The following CTNNA3 variants were observed in gnomAD, a reference collection of about 807,000 sequenced individuals.
CTNNA3 encodes catenin alpha-3.
CTNNA3 carries 76 observed loss-of-function variants against 95.7 expected under a neutral mutation model. The observed-to-expected ratio is 0.79, with a 90% CI of 0.66 to 0.96. CTNNA3 has a LOEUF of 0.96. Among genes scored for constraint, CTNNA3 ranks in the 40% least tolerant of loss-of-function variants. CTNNA3 has a pLI of 0.00. For missense variants in CTNNA3, 1,191 were observed against 1,089.8 expected (o/e 1.09, Z -1.31); for synonymous variants, 431 against 374.4 (o/e 1.15, Z -1.74).
chr10:65,952,237 A>G (rs2077633281), intron 17 of CTNNA3, among the ~76,000 whole-genome samples: 1 of 152,178 alleles, frequency 6.6e-6, no homozygotes, highest in Admixed American at 6.5e-5. Context: ...ACTTTATTAC[A>G]ATGCAATACA....
chr10:67,708,789 T>C (rs1338291446), intron 1 of CTNNA3, among the ~76,000 whole-genome samples: 2 of 152,152 alleles, frequency 1.3e-5, no homozygotes, highest in African/African-American at 4.8e-5. Context: ...AGAGTTTTAT[T>C]GTTTCTTAAA....
intron 12 of CTNNA3, among the ~76,000 whole-genome samples, chr10:66,371,941 C>A (rs2132464989): frequency 6.6e-6 from 1 of 152,226 alleles, no homozygotes; most frequent in South Asian, 2.1e-4. Flanking sequence ...GTAGAACCAT[C>A]TGAAATGTGG....
chr10:66,221,340 T>C (rs1460063960), intron 13 of CTNNA3, among the ~76,000 whole-genome samples: 1 of 152,236 alleles, frequency 6.6e-6, no homozygotes, highest in Non-Finnish European at 1.5e-5. Flanking sequence ...ATTTGTGACC[T>C]GTATCATAAA....
intron 13 of CTNNA3, among the ~76,000 whole-genome samples, chr10:66,265,771 T>C (rs2091132652): frequency 1.3e-5 from 2 of 152,040 alleles, no homozygotes; most frequent in Non-Finnish European, 2.9e-5. Context: ...GTGATTTATC[T>C]CTTAGGCCAA....
intron 12 of CTNNA3, among the ~76,000 whole-genome samples, chr10:66,282,708 C>T (rs1175901143): frequency 6.6e-6 from 1 of 151,724 alleles, no homozygotes; most frequent in African/African-American, 2.4e-5. Flanking sequence ...TGAATGGCAC[C>T]TGCTCTTAGC....
At chr10:65,960,538 A>AAT (rs2077822330) in intron 17 of CTNNA3, among the ~76,000 whole-genome samples, 1 of 152,184 alleles carries the variant, frequency 6.6e-6, no homozygotes, top group African/African-American at 2.4e-5. Flanking sequence ...AACAAAAAAA[A>AAT]AGATTCAGGG....
chr10:66,412,121 C>A lies in CTNNA3; in HGVS notation c.1532-32769G>T, dbSNP rs147108198. Reference sequence around the variant, plus strand: ...AATCTAAGCTGAGTAAGACAGGAAACAAAAACGTGAGGAATGAAAAACATG... The same window carrying A: ...AATCTAAGCTGAGTAAGACAGGAAAAAAAAACGTGAGGAATGAAAAACATG... On this transcript the variant is annotated intron_variant, in intron 11 of 17. Transcript: ENST00000433211. Among the ~76,000 whole-genome samples, 370 of 151,986 alleles carry A rather than the reference C, an allele frequency of 2.4e-3. 2 individuals are homozygous for A. Among genetic ancestry groups the A allele is most frequent in the African/African-American group, 8.2e-3 (340 of 41,472 alleles).
rs147359539 is a variant in CTNNA3 at position 67,453,321 on chromosome 10, T to C, written c.579+68521A>G. Among the ~76,000 whole-genome samples, 804 of 152,342 alleles carry C rather than the reference T, an allele frequency of 5.3e-3. 9 individuals carry two copies. The highest frequency in any genetic ancestry group is 0.018 in the African/African-American group (756 of 41,580). The stretch of plus-strand genomic sequence containing the variant: ...GTAAGGCCTAGAGAAACATGGGTTA[T>C]ATAAAGAATTCTATTAAGTAGACAC... On this transcript the variant is annotated intron_variant, in intron 5 of 17. Coordinates refer to ENST00000433211, the MANE Select transcript of CTNNA3 (RefSeq NM_013266.4).
chr10:66,622,579 A>G (rs974553587), intron 9 of CTNNA3, among the ~76,000 whole-genome samples: 1 of 152,160 alleles, frequency 6.6e-6, no homozygotes, highest in African/African-American at 2.4e-5. Context: ...TTACTAACAC[A>G]GTAAGGCTTA....
chr10:67,507,050 A>G (rs923791950), intron 5 of CTNNA3, among the ~76,000 whole-genome samples: 1 of 152,232 alleles, frequency 6.6e-6, no homozygotes, highest in Non-Finnish European at 1.5e-5. Context: ...AAAACCAGAA[A>G]TAAAAGAGGA....
chr10:66,221,338 C>T (rs747380808), intron 13 of CTNNA3, among the ~76,000 whole-genome samples: 1 of 152,148 alleles, frequency 6.6e-6, no homozygotes, highest in Non-Finnish European at 1.5e-5. Flanking sequence ...GTATTTGTGA[C>T]CTGTATCATA....
At chr10:66,657,831 C>T (rs6480193) in intron 9 of CTNNA3, among the ~76,000 whole-genome samples, 103,407 of 152,046 alleles carry the variant, frequency 0.68, 36,433 homozygotes, top group East Asian at 0.95. Context: ...TACAAAGCTA[C>T]CGTATGGGAA....
intron 11 of CTNNA3, among the ~76,000 whole-genome samples, chr10:66,475,338 C>T (rs1353501378): frequency 1.3e-5 from 2 of 151,926 alleles, no homozygotes; most frequent in Non-Finnish European, 2.9e-5. Flanking sequence ...AGGGGAAATG[C>T]TTTATGATAT....
chr10:66,691,216 G>A (rs71493992), intron 9 of CTNNA3, among the ~76,000 whole-genome samples: 27,080 of 152,050 alleles, frequency 0.18, 3,060 homozygotes, highest in East Asian at 0.33. Context: ...CAAAGAAAGG[G>A]GTGACAGACG....
intron 9 of CTNNA3, among the ~76,000 whole-genome samples, chr10:66,721,506 A>T (rs1848627574): frequency 6.6e-6 from 1 of 152,210 alleles, no homozygotes; most frequent in Admixed American, 6.5e-5. Context: ...TAAAATTTGG[A>T]AACTAGTGTT....
intron 1 of CTNNA3, among the ~76,000 whole-genome samples, chr10:67,675,628 C>T (rs1257873803): frequency 3.3e-5 from 5 of 152,098 alleles, no homozygotes; most frequent in Admixed American, 6.6e-5. Flanking sequence ...GCCCACATTC[C>T]GACAGGCAAA....
At chr10:66,476,406 A>C (rs1322311901) in intron 11 of CTNNA3, among the ~76,000 whole-genome samples, 1 of 152,082 alleles carries the variant, frequency 6.6e-6, no homozygotes, top group Non-Finnish European at 1.5e-5. Context: ...AACACAATTG[A>C]CAACAGATTT....
At chr10:67,514,396 A>T (rs940637156) in intron 5 of CTNNA3, among the ~76,000 whole-genome samples, 3 of 152,184 alleles carry the variant, frequency 2.0e-5, no homozygotes, top group Non-Finnish European at 4.4e-5. Flanking sequence ...AGCCTCTGTA[A>T]TTTGCATCTT....
At chr10:67,528,457 T>A (rs1270827705) in intron 4 of CTNNA3, among the ~76,000 whole-genome samples, 1 of 152,106 alleles carries the variant, frequency 6.6e-6, no homozygotes, top group Non-Finnish European at 1.5e-5. Context: ...TCTCACACAG[T>A]TCACCCTTCA....
Sources: allele counts gnomAD v4.1 joint callset (sites outside exome capture counted in the v4.1 genomes callset), GRCh38; gene constraint gnomAD v4.1.1; transcripts MANE v1.5; gene names NCBI Gene and HGNC (gene_info 2026-07-23, HGNC 2026-07-21).